PUM2: variants seen among roughly 807,000 people sequenced by gnomAD.
PUM2 encodes the protein pumilio homolog 2.
In PUM2, 57 loss-of-function variants were observed where a neutral mutation model predicts 124.5. The observed-to-expected ratio is 0.46, with a 90% CI of 0.37 to 0.57. The LOEUF is 0.57. Among genes scored for constraint, PUM2 ranks in the 20% least tolerant of loss-of-function variants. PUM2 has a pLI of 0.00. For synonymous variants in PUM2, 460 were observed against 446.1 expected (o/e 1.03, Z -0.39); for missense variants, 1,065 against 1,290.6 (o/e 0.83, Z 2.68).
At chr2:20,316,447 TTTCA>T (rs1390697516) in intron 3 of PUM2, among the ~76,000 whole-genome samples, 1 of 152,096 alleles carries the variant, frequency 6.6e-6, no homozygotes, top group Admixed American at 6.6e-5. Flanking sequence ...AAAAATTTGT[TTTCA>T]TTATTACTTT....
At chr2:20,276,793 G>T (rs1363026140) in intron 13 of PUM2, among the ~76,000 whole-genome samples, 1 of 151,872 alleles carries the variant, frequency 6.6e-6, no homozygotes, top group Non-Finnish European at 1.5e-5. Context: ...GGGAAACTGG[G>T]GGTCACAAAA....
At chr2:20,289,973 C>T (rs1456713139) in intron 10 of PUM2, among the ~76,000 whole-genome samples, 1 of 152,154 alleles carries the variant, frequency 6.6e-6, no homozygotes, top group Admixed American at 6.5e-5. Flanking sequence ...TACTGATATT[C>T]AAATATAGCT....
intron 9 of PUM2, among the ~76,000 whole-genome samples, chr2:20,292,963 A>G (rs761318172): frequency 1.4e-4 from 21 of 152,224 alleles, no homozygotes; most frequent in Middle Eastern, 6.8e-3. Context: ...AAACAACACT[A>G]AGGCTGAAAA....
intron 7 of PUM2, among the ~76,000 whole-genome samples, chr2:20,304,600 T>C (rs1334186232): frequency 6.6e-6 from 1 of 152,214 alleles, no homozygotes; most frequent in Non-Finnish European, 1.5e-5. Context: ...CAAACCCATA[T>C]GGTATGCAAA....
At chr2:20,324,992 C>T (rs1374800886) in intron 2 of PUM2, among the ~76,000 whole-genome samples, 4 of 149,400 alleles carry the variant, frequency 2.7e-5, no homozygotes, top group African/African-American at 7.4e-5. Flanking sequence ...CTCAAGGCTG[C>T]TTTTAATTTA....
intron 8 of PUM2, among the ~76,000 whole-genome samples, chr2:20,294,964 G>A (rs1469667179): frequency 1.3e-5 from 2 of 152,064 alleles, no homozygotes; most frequent in Non-Finnish European, 2.9e-5. Context: ...GGAACATTCT[G>A]GTACCAAGCA....
intron 10 of PUM2, among the ~76,000 whole-genome samples, chr2:20,285,537 T>C (rs1048816315): frequency 2.6e-5 from 4 of 152,138 alleles, no homozygotes; most frequent in South Asian, 2.1e-4. Flanking sequence ...GGCACCACGA[T>C]TCCCCTCAGC....
chr2:20,309,172 G>A (rs930086331), intron 5 of PUM2, among the ~76,000 whole-genome samples: 3 of 152,106 alleles, frequency 2.0e-5, no homozygotes, highest in African/African-American at 7.2e-5. Context: ...TTCTGACTTT[G>A]TCTTTTAAAT....
At position 20,327,334 on chromosome 2, in the gene PUM2, T is replaced by C. The variant is rs757664375; in HGVS notation, c.27A>G (p.Ala9=). 4 of 1,581,780 alleles carry C rather than the reference T, an allele frequency of 2.5e-6. No homozygotes were observed. The highest frequency in any genetic ancestry group is 2.7e-5 in the African/African-American group (2 of 74,100). Residue 9 remains alanine, a synonymous_variant, in exon 2 of 21, where the codon GCA becomes GCG. Coordinates refer to ENST00000361078, the MANE Select transcript of PUM2 (RefSeq NM_015317.5). The part of the protein sequence containing the change: MNHDFQAL[A]LESRGMGELL... The stretch of plus-strand genomic sequence containing the variant: ...CCTCTCCCATTCCCCGAGATTCTAA[T>C]GCAAGAGCTTGAAAATCATGATTCA...
chr2:20,297,591 T>G lies in PUM2; in HGVS notation c.971A>C (p.Tyr324Ser). The change falls in exon 8 of 21, where the codon TAT (tyrosine) becomes TCT (serine). Residue 324 changes from tyrosine (Y) to serine (S), a missense_variant. This residue lies in a region of PUM2 where 968 missense variants were observed against 1,159.8 expected (regional missense o/e 0.83). Transcript: ENST00000361078. ...TGCTGCAGCCAATCCTGCTGCAGTA[T>G]ACGGATCGGTCCCTGGAGGAGCAGC... is the stretch of plus-strand genomic sequence containing the variant. ...ISAAPPGTDPYTAAGLAAAAT... is the reference protein window; with the variant it reads ...ISAAPPGTDPSTAAGLAAAAT... 6.2e-7 allele frequency: 1 copy of G among 1,613,140 alleles called. No individual in the cohort carries two copies. The highest frequency in any genetic ancestry group is 8.5e-7 in the Non-Finnish European group (1 of 1,179,238).
chr2:20,345,591 G>C (rs1326397573), intron 1 of PUM2, among the ~76,000 whole-genome samples: 1 of 152,164 alleles, frequency 6.6e-6, no homozygotes, highest in Non-Finnish European at 1.5e-5. Flanking sequence ...AAAATGTGTG[G>C]GGCGAGGCAC....
chr2:20,294,089 TTAACACACTAACA>T (rs1194629736), intron 9 of PUM2, among the ~76,000 whole-genome samples: 1 of 152,210 alleles, frequency 6.6e-6, no homozygotes, highest in Non-Finnish European at 1.5e-5. Flanking sequence ...AGGAACATTA[TTAACACACTAACA>T]TGAAGTGATG....
chr2:20,260,738 AATTTT>A (rs1665989207), intron 14 of PUM2, among the ~76,000 whole-genome samples: 1 of 152,160 alleles, frequency 6.6e-6, no homozygotes, highest in African/African-American at 2.4e-5. Context: ...AAATTACGTA[AATTTT>A]GCTGCTTATT....
intron 2 of PUM2, among the ~76,000 whole-genome samples, chr2:20,321,128 T>C (rs1193522493): frequency 6.6e-6 from 1 of 152,120 alleles, no homozygotes; most frequent in Non-Finnish European, 1.5e-5. Flanking sequence ...GGGAGTGCCT[T>C]CAAAATGCTT....
intron 1 of PUM2, among the ~76,000 whole-genome samples, chr2:20,342,314 G>A (rs1687387686): frequency 6.6e-6 from 1 of 152,170 alleles, no homozygotes; most frequent in Non-Finnish European, 1.5e-5. Context: ...AGTGTTCTCA[G>A]AAATAAGTGA....
rs1016280847 is a variant in PUM2 at position 20,248,976 on chromosome 2, A to G, written c.*2609T>C. 6.6e-6 allele frequency: 1 copy of G among 152,282 alleles called. No individual in the cohort carries two copies. The highest frequency in any genetic ancestry group is 1.5e-5 in the Non-Finnish European group (1 of 68,042). The allele number at this position is 152,282 out of a possible 1,614,324, so 9.4% of individuals were successfully genotyped here. On this transcript the variant is annotated 3_prime_UTR_variant, in exon 21 of 21. Transcript: ENST00000361078. ...TACCAAAATTTCATGCCAACTTACT[A>G]AAAGGTAAAAATTGGGGTGGGCACC...
intron 1 of PUM2, among the ~76,000 whole-genome samples, chr2:20,348,166 T>TTAATAATAA (rs563552054): frequency 6.7e-6 from 1 of 150,000 alleles, no homozygotes; most frequent in African/African-American, 2.5e-5. Context: ...ATATTAAAAA[T>TTAATAATAA]TAATAATAAT....
chr2:20,282,902 C>A, intron 12 of PUM2, 45 bp downstream of exon 12: 1 of 1,566,324 alleles, frequency 6.4e-7, no homozygotes, highest in South Asian at 1.2e-5. Context: ...CACTCATATA[C>A]CTCTTCCACT....
intron 3 of PUM2, among the ~76,000 whole-genome samples, chr2:20,313,350 C>T (rs1478313512): frequency 2.0e-5 from 3 of 152,116 alleles, no homozygotes; most frequent in Non-Finnish European, 4.4e-5. Flanking sequence ...AGACGGAAAG[C>T]GCCATTTGGC....
Sources: allele counts gnomAD v4.1 joint callset (sites outside exome capture counted in the v4.1 genomes callset), GRCh38; gene constraint gnomAD v4.1.1; regional missense constraint gnomAD v4.1.1; transcripts MANE v1.5; gene names NCBI Gene and HGNC (gene_info 2026-07-23, HGNC 2026-07-21).